The following RBFOX1 variants were observed in gnomAD, a reference collection of about 807,000 sequenced individuals.
RBFOX1 encodes RNA binding fox-1 homolog 1, also known as RNA binding protein fox-1 homolog 1.
RBFOX1 carries 8 observed loss-of-function variants against 57.7 expected under a neutral mutation model. The ratio of observed to expected loss-of-function variants is 0.14; its 90% CI spans 0.08 to 0.25. The LOEUF is 0.25. RBFOX1 is among the 10% of genes least tolerant of loss of function. The pLI is 1.00. For missense variants in RBFOX1, 611 were observed against 548.5 expected (o/e 1.11, Z -1.14); for synonymous variants, 326 against 222.4 (o/e 1.47, Z -4.15).
intron 3 of RBFOX1, among the ~76,000 whole-genome samples, chr16:5,642,728 T>C (rs1287483956): frequency 6.6e-6 from 1 of 152,062 alleles, no homozygotes; most frequent in Non-Finnish European, 1.5e-5. Context: ...ACTCATGTGC[T>C]CCCGGGAGGG....
chr16:7,460,689 A>G (rs186347092), intron 4 of RBFOX1, among the ~76,000 whole-genome samples: 71 of 151,876 alleles, frequency 4.7e-4, no homozygotes, highest in African/African-American at 1.6e-3. Flanking sequence ...CTGTGTAACA[A>G]TCCTGCACAT....
intron 4 of RBFOX1, among the ~76,000 whole-genome samples, chr16:7,459,230 T>C (rs988544421): frequency 5.3e-5 from 8 of 152,212 alleles, no homozygotes; most frequent in Non-Finnish European, 7.3e-5. Context: ...ACATCAGTAG[T>C]AATCTCTACT....
intron 3 of RBFOX1, among the ~76,000 whole-genome samples, chr16:6,858,025 C>G (rs145098691): frequency 6.6e-6 from 1 of 152,308 alleles, no homozygotes; most frequent in East Asian, 1.9e-4. Context: ...CAAGGCTTTT[C>G]TCTTCTACTC....
chr16:6,191,842 A>G (rs1275094702), intron 1 of RBFOX1, among the ~76,000 whole-genome samples: 4 of 152,270 alleles, frequency 2.6e-5, no homozygotes, highest in Non-Finnish European at 4.4e-5. Flanking sequence ...AGAATTTTGC[A>G]CTAGATTTCC....
intron 1 of RBFOX1, among the ~76,000 whole-genome samples, chr16:5,300,042 C>T (rs1375914362): frequency 1.3e-5 from 2 of 150,236 alleles, no homozygotes; most frequent in East Asian, 2.0e-4. Flanking sequence ...TTTTTTTGGG[C>T]ATATATTGAG....
intron 1 of RBFOX1, among the ~76,000 whole-genome samples, chr16:5,459,666 G>A (rs774904776): frequency 6.6e-6 from 1 of 151,884 alleles, no homozygotes; most frequent in Non-Finnish European, 1.5e-5. Context: ...AAAGCAAGTC[G>A]GGAAATGAGA....
At chr16:6,637,502 T>C (rs2098454616) in intron 2 of RBFOX1, among the ~76,000 whole-genome samples, 2 of 17,578 alleles carry the variant, frequency 1.1e-4, no homozygotes, top group Admixed American at 2.6e-3. Flanking sequence ...TTATATATAA[T>C]ATTCTATATA....
chr16:5,723,125 C>G (rs941146487), intron 3 of RBFOX1, among the ~76,000 whole-genome samples: 15 of 152,190 alleles, frequency 9.9e-5, no homozygotes, highest in African/African-American at 3.6e-4. Context: ...TCAGAGTCAT[C>G]CATGCTGAAT....
chr16:7,424,995 A>C (rs4274457), intron 4 of RBFOX1, among the ~76,000 whole-genome samples: 9,599 of 152,274 alleles, frequency 0.063, 1,064 homozygotes, highest in African/African-American at 0.22. Context: ...GTATGAGTAT[A>C]ATACAAGTTG....
rs1598207639 is a variant in RBFOX1, at chr16:7,691,324, G to C, written c.995+14486G>C. On this transcript the variant is annotated intron_variant, in intron 14 of 15. Transcript: ENST00000550418. ...TTCTGAAACTTAGGGATCAAGAAGA[G>C]ACCAGGGGTAAAAAATAAAATAAAA... Among the ~76,000 whole-genome samples, 3 of 150,550 alleles carry C rather than the reference G, an allele frequency of 2.0e-5. 1 individual carries two copies. The highest frequency in any genetic ancestry group is 4.4e-5 in the Non-Finnish European group (3 of 67,810).
At chr16:6,239,636 T>C (rs1391074734) in intron 1 of RBFOX1, among the ~76,000 whole-genome samples, 1 of 151,814 alleles carries the variant, frequency 6.6e-6, no homozygotes, top group Admixed American at 6.6e-5. Flanking sequence ...TAGCTGGGAC[T>C]ACAGGCACCC....
intron 1 of RBFOX1, among the ~76,000 whole-genome samples, chr16:6,024,766 G>A (rs141577488): frequency 6.6e-6 from 1 of 152,218 alleles, no homozygotes; most frequent in Non-Finnish European, 1.5e-5. Context: ...TTACAGGCGT[G>A]AGCCACCACG....
At chr16:6,179,663 TCTC>T (rs1459989642) in intron 1 of RBFOX1, among the ~76,000 whole-genome samples, 1 of 152,164 alleles carries the variant, frequency 6.6e-6, no homozygotes, top group Non-Finnish European at 1.5e-5. Context: ...TGCCTCTCCT[TCTC>T]CTCTTCTTTC....
At position 6,527,780 on chromosome 16, in the gene RBFOX1, G is replaced by A. The variant is rs2096601528; in HGVS notation, c.-63-126823G>A. ...TCACCTTGTGGGCGAGTTAATGGTT[G>A]CCACTCCGAGCTGCTGCCTCTGTAG... On this transcript the variant is annotated intron_variant, in intron 2 of 15. Transcript: ENST00000550418. Among the ~76,000 whole-genome samples, 5 of 152,200 alleles carry A rather than the reference G, an allele frequency of 3.3e-5. No homozygotes were observed. In the South Asian group the frequency reaches 1.0e-3, roughly 32 times the overall value.
rs577527733 is a variant in RBFOX1 at position 7,606,129 on chromosome 16, T to C, written c.623-1156T>C. ...CCCGACCTGCATGGATTTTTTTTTT[T>C]TTTTTTTTTCCCGAGAGAGTCTCAC... is the stretch of plus-strand genomic sequence containing the variant. On this transcript the variant is annotated intron_variant, in intron 9 of 15. Transcript: ENST00000550418. 4.9e-3 allele frequency among the ~76,000 whole-genome samples: 725 copies of C among 149,070 alleles called. 22 individuals carry two copies. Among genetic ancestry groups the C allele is most frequent in the East Asian group, 0.041 (208 of 5,020 alleles).
chr16:6,242,702 A>T (rs886162767), intron 1 of RBFOX1, among the ~76,000 whole-genome samples: 1 of 151,374 alleles, frequency 6.6e-6, no homozygotes, highest in Non-Finnish European at 1.5e-5. Flanking sequence ...TTCTCCTTCA[A>T]GTATTAGCAT....
chr16:6,292,000 C>T (rs1388980732), intron 1 of RBFOX1, among the ~76,000 whole-genome samples: 1 of 151,294 alleles, frequency 6.6e-6, no homozygotes, highest in Admixed American at 6.6e-5. Flanking sequence ...TAGTTTGGGT[C>T]TGTGTTGTAC....
At chr16:7,027,271 A>T (rs990164288) in intron 3 of RBFOX1, among the ~76,000 whole-genome samples, 2 of 152,230 alleles carry the variant, frequency 1.3e-5, no homozygotes, top group African/African-American at 4.8e-5. Flanking sequence ...AATAGAGAGG[A>T]TGAATAATCT....
At chr16:6,475,693 G>A (rs1340614121) in intron 2 of RBFOX1, among the ~76,000 whole-genome samples, 1 of 152,160 alleles carries the variant, frequency 6.6e-6, no homozygotes, top group Non-Finnish European at 1.5e-5. Flanking sequence ...AGGTCCTAGT[G>A]TTCTAATCCT....
Sources: allele counts gnomAD v4.1 joint callset (sites outside exome capture counted in the v4.1 genomes callset), GRCh38; gene constraint gnomAD v4.1.1; transcripts MANE v1.5; gene names NCBI Gene and HGNC (gene_info 2026-07-23, HGNC 2026-07-21).